The following CACNA1E variants were observed in gnomAD, a reference collection of about 807,000 sequenced individuals.
The protein encoded by CACNA1E is calcium voltage-gated channel subunit alpha1 E.
A neutral mutation model predicts 259.2 loss-of-function variants in CACNA1E; 40 were observed. The observed-to-expected ratio is 0.15, with a 90% CI of 0.12 to 0.20. The LOEUF is 0.20. Ranked by LOEUF, CACNA1E falls within the 10% of genes least tolerant of loss-of-function variation. CACNA1E has a pLI of 1.00. For synonymous variants in CACNA1E, 1,104 were observed against 1,138.5 expected (o/e 0.97, Z 0.61); for missense variants, 1,874 against 3,040.1 (o/e 0.62, Z 9.02).
At chr1:181,685,767 C>A (rs942801567) in intron 7 of CACNA1E, among the ~76,000 whole-genome samples, 1 of 152,168 alleles carries the variant, frequency 6.6e-6, no homozygotes, top group African/African-American at 2.4e-5. Flanking sequence ...TTTTGGAATA[C>A]TTCACCTATA....
rs375191324 is a variant in CACNA1E, at chr1:181,485,957, G to T, written c.266+1947G>T. Among the ~76,000 whole-genome samples, 3 of 152,360 alleles carry T rather than the reference G, an allele frequency of 2.0e-5. No homozygotes were observed. Among genetic ancestry groups the T allele is most frequent in the South Asian group, 2.1e-4 (1 of 4,832 alleles). ...CCGCTGAAACTCCCGGCGGCCCGGG[G>T]CTCCCCAGTTACCCGGGTTCAGCAC... On this transcript the variant is annotated intron_variant, in intron 1 of 47. Transcript: ENST00000367573. The surrounding 1 kb of genome is among the most constrained non-coding windows in gnomAD (Gnocchi z 4.2).
chr1:181,750,119 C>T (rs1034445172), intron 25 of CACNA1E, among the ~76,000 whole-genome samples: 16 of 152,250 alleles, frequency 1.1e-4, no homozygotes, highest in African/African-American at 2.9e-4. Context: ...TGAAAGTAAA[C>T]GCCTGCACTT....
chr1:181,787,213 G>A (rs1362418988), intron 43 of CACNA1E, among the ~76,000 whole-genome samples: 4 of 151,974 alleles, frequency 2.6e-5, no homozygotes, highest in African/African-American at 2.4e-5. Flanking sequence ...TCCGCCTCCC[G>A]GGTTCATGCC....
chr1:181,640,615 G>A (rs1657660592), intron 6 of CACNA1E, among the ~76,000 whole-genome samples: 1 of 152,160 alleles, frequency 6.6e-6, no homozygotes, highest in Non-Finnish European at 1.5e-5. Context: ...GAGGAGGGAA[G>A]AATGGAAGCC....
intron 7 of CACNA1E, among the ~76,000 whole-genome samples, chr1:181,680,761 G>C (rs1469118337): frequency 6.6e-6 from 1 of 152,178 alleles, no homozygotes; most frequent in Non-Finnish European, 1.5e-5. Context: ...TGGGGCGCTT[G>C]AAAACGTTGG....
intron 7 of CACNA1E, among the ~76,000 whole-genome samples, chr1:181,663,899 T>G (rs1647935525): frequency 6.6e-6 from 1 of 152,254 alleles, no homozygotes; most frequent in African/African-American, 2.4e-5. Context: ...GTAAGGATAT[T>G]AACCTTTTAT....
chr1:181,734,544 A>G (rs994490220), intron 21 of CACNA1E, among the ~76,000 whole-genome samples: 1 of 136,758 alleles, frequency 7.3e-6, no homozygotes, highest in Non-Finnish European at 1.6e-5. Context: ...CCCATACCCC[A>G]TCCCTGCCCT....
At position 181,584,544 on chromosome 1, in the gene CACNA1E, A is replaced by G. The variant is rs150081354; in HGVS notation, c.951+3768A>G. 3.0e-3 allele frequency among the ~76,000 whole-genome samples: 452 copies of G among 152,328 alleles called. 2 individuals are homozygous for G. Among genetic ancestry groups the G allele is most frequent in the South Asian group, 9.3e-3 (45 of 4,826 alleles). On this transcript the variant is annotated intron_variant, in intron 6 of 47. Transcript: ENST00000367573. ...AAGTTGCCTTTTCACAGCTGCATAT[A>G]GTCAGGATTTATTAAATGGTTAACA...
intron 6 of CACNA1E, among the ~76,000 whole-genome samples, chr1:181,624,707 G>A (rs1314431097): frequency 1.3e-5 from 2 of 152,128 alleles, no homozygotes; most frequent in African/African-American, 4.8e-5. Context: ...AGTCATTCAT[G>A]AGGGTTGGAG....
intron 25 of CACNA1E, among the ~76,000 whole-genome samples, chr1:181,744,206 A>C (rs2102619591): frequency 6.6e-6 from 1 of 152,352 alleles, no homozygotes; most frequent in Middle Eastern, 3.4e-3. Flanking sequence ...ACTCTGCCCT[A>C]GTCACTGAGA....
Position 181,461,216 on chromosome 1 carries a change from T to A in CACNA1E, c.435-22528T>A, listed in dbSNP as rs529979666. Among the ~76,000 whole-genome samples the A allele has an allele frequency of 2.6e-5, 4 of 152,294 alleles. No homozygotes were observed. The South Asian group carries it at 8.3e-4, about 32-fold the overall frequency. ...GGTCAAAACAGTATCGGTTTATGAA[T>A]GACTATGATAGTACCCCTGTGAGAT... On this transcript the variant is annotated intron_variant, in intron 2 of 11. Coordinates refer to the CACNA1E transcript ENST00000524607.
chr1:181,798,617 C>T lies in CACNA1E; in HGVS notation c.6725C>T (p.Ser2242Leu). 3 of 1,613,074 alleles carry T rather than the reference C, an allele frequency of 1.9e-6. No homozygotes were observed. The highest frequency in any genetic ancestry group is 2.5e-6 in the Non-Finnish European group (3 of 1,179,644). ...YLALHEDSHA[S>L]DCGEEETLTF... ...GCCCTGCACGAAGACTCCCACGCCT[C>T]AGACTGTGGTGAGGAGGAGACGCTC... The change falls in exon 48 of 48, where the codon TCA (serine) becomes TTA (leucine). Residue 2242 changes from serine (S) to leucine (L), a missense_variant. Ser to Leu is a moderately radical substitution (Grantham distance 145). Coordinates refer to ENST00000367573, the MANE Select transcript of CACNA1E (RefSeq NM_001205293.3). The surrounding 1 kb of genome is among the most constrained non-coding windows in gnomAD (Gnocchi z 4.2).
intron 3 of CACNA1E, among the ~76,000 whole-genome samples, chr1:181,534,370 G>T (rs931417770): frequency 6.6e-6 from 1 of 152,082 alleles, no homozygotes; most frequent in Non-Finnish European, 1.5e-5. Flanking sequence ...TATTTTTGGA[G>T]TGATAATATA....
chr1:181,789,505 C>T (rs79893903), intron 43 of CACNA1E, among the ~76,000 whole-genome samples: 2,203 of 151,836 alleles, frequency 0.015, 58 homozygotes, highest in African/African-American at 0.05. Flanking sequence ...CTCCTAACTC[C>T]GCCACCAAGA....
chr1:181,633,701 A>AT (rs1365831158), intron 6 of CACNA1E, among the ~76,000 whole-genome samples: 1 of 152,172 alleles, frequency 6.6e-6, no homozygotes, highest in Non-Finnish European at 1.5e-5. Context: ...CAAGTTGGCC[A>AT]TACTGGTTTT....
At chr1:181,796,063 A>G (rs1032780592) in intron 46 of CACNA1E, among the ~76,000 whole-genome samples, 1 of 152,140 alleles carries the variant, frequency 6.6e-6, no homozygotes, top group Admixed American at 6.5e-5. Context: ...TTGTTAACCA[A>G]GATCCTATAT....
chr1:181,373,067 A>G (rs183502248), intron 1 of CACNA1E, among the ~76,000 whole-genome samples: 3 of 152,222 alleles, frequency 2.0e-5, no homozygotes, highest in East Asian at 3.9e-4. Flanking sequence ...TTTTGTGCCT[A>G]TGTTCATCAG....
In CACNA1E at chr1:181,450,796, G is replaced by A. The variant is rs537185488; in HGVS notation, c.435-32948G>A. 6.6e-5 allele frequency among the ~76,000 whole-genome samples: 10 copies of A among 152,292 alleles called. No homozygotes were observed. The South Asian group carries it at 1.7e-3, about 25-fold the overall frequency. ...GATTTTAGCTGTGATACAGAGAACG[G>A]CTTGGAGGAGGCAGGACCAGCATCA... On this transcript the variant is annotated intron_variant, in intron 2 of 11. Coordinates refer to the CACNA1E transcript ENST00000524607.
chr1:181,654,685 G>T (rs909518431), intron 7 of CACNA1E, among the ~76,000 whole-genome samples: 1 of 152,188 alleles, frequency 6.6e-6, no homozygotes, highest in Non-Finnish European at 1.5e-5. Flanking sequence ...GTGTACACAT[G>T]AAACATAAGA....
Sources: gnomAD v4.1 joint callset for allele counts (sites outside exome capture counted in the v4.1 genomes callset) on GRCh38, gnomAD v4.1.1 for gene constraint, Gnocchi (gnomAD v3.1) non-coding constraint, MANE v1.5 for transcripts, NCBI Gene and HGNC (gene_info 2026-07-23, HGNC 2026-07-21) for gene names.